NTM: variants seen among roughly 807,000 people sequenced by gnomAD.
NTM encodes the protein neurotrimin, also known as IgLON family member 2.
Under a neutral mutation model 42.1 loss-of-function variants are expected in NTM, and 13 were observed. The observed-to-expected ratio is 0.31, with a 90% CI of 0.20 to 0.49. The LOEUF (loss-of-function observed/expected upper bound fraction) is 0.49. Among genes scored for constraint, NTM ranks in the 20% least tolerant of loss-of-function variants. NTM has a pLI of 0.99. For synonymous variants in NTM, 187 were observed against 179.2 expected, an observed-to-expected ratio of 1.04 and a Z score of -0.35; for missense variants, 373 against 452.8, an observed-to-expected ratio of 0.82 and a Z score of 1.60.
intron 4 of NTM, among the ~76,000 whole-genome samples, chr11:132,305,788 G>A (rs2095056345): frequency 2.0e-5 from 3 of 152,176 alleles, no homozygotes. Context: ...TATTCATAAA[G>A]GCTACTGAGA....
At chr11:132,222,432 A>G (rs1179554139) in intron 4 of NTM, among the ~76,000 whole-genome samples, 1 of 151,980 alleles carries the variant, frequency 6.6e-6, no homozygotes, top group Admixed American at 6.6e-5. Flanking sequence ...AAATTGCCAG[A>G]CTCCAGGGTA....
At chr11:131,843,947 A>G (rs1280430999) in intron 1 of NTM, among the ~76,000 whole-genome samples, 11 of 151,946 alleles carry the variant, frequency 7.2e-5, no homozygotes, top group Non-Finnish European at 1.3e-4. Flanking sequence ...TTGCAGTTGC[A>G]AATTTTTTCT....
At chr11:131,903,835 G>A (rs2053494874) in intron 1 of NTM, among the ~76,000 whole-genome samples, 1 of 152,188 alleles carries the variant, frequency 6.6e-6, no homozygotes, top group African/African-American at 2.4e-5. Context: ...CCTTTACTGA[G>A]CTGTCACCGT....
At chr11:131,713,241 A>T (rs1236795832) in intron 1 of NTM, among the ~76,000 whole-genome samples, 1 of 152,222 alleles carries the variant, frequency 6.6e-6, no homozygotes, top group Non-Finnish European at 1.5e-5. Flanking sequence ...TATAAACGAC[A>T]CAATGCCGTA....
chr11:132,183,615 G>A (rs1188771547), intron 3 of NTM, among the ~76,000 whole-genome samples: 2 of 151,878 alleles, frequency 1.3e-5, no homozygotes, highest in Non-Finnish European at 2.9e-5. Flanking sequence ...GACAACACAA[G>A]TGTCATCTGA....
At chr11:131,551,089 T>G (rs948169360) in intron 1 of NTM, among the ~76,000 whole-genome samples, 1 of 152,362 alleles carries the variant, frequency 6.6e-6, no homozygotes, top group Middle Eastern at 3.4e-3. Context: ...CAGGCTGGAC[T>G]TGAGCTCCTA....
chr11:131,541,446 A>C (rs555193301), intron 1 of NTM, among the ~76,000 whole-genome samples: 3 of 152,338 alleles, frequency 2.0e-5, no homozygotes, highest in African/African-American at 7.2e-5. Context: ...ACAATACATA[A>C]AGAGAGTAGA....
intron 3 of NTM, among the ~76,000 whole-genome samples, chr11:132,185,899 A>G (rs541985693): frequency 6.6e-6 from 1 of 152,256 alleles, no homozygotes; most frequent in African/African-American, 2.4e-5. Context: ...CAGGCAAATA[A>G]TGGGTCAAGG....
chr11:131,997,396 A>G (rs1261237732), intron 2 of NTM, among the ~76,000 whole-genome samples: 2 of 152,156 alleles, frequency 1.3e-5, no homozygotes, highest in Non-Finnish European at 2.9e-5. Context: ...GGCCAGGCTA[A>G]TAAGTTTAGA....
At chr11:131,377,405 G>C (rs545795796) in intron 1 of NTM, among the ~76,000 whole-genome samples, 1 of 152,158 alleles carries the variant, frequency 6.6e-6, no homozygotes, top group African/African-American at 2.4e-5. Flanking sequence ...GCACAGAACT[G>C]GAGGGCCAAG....
In NTM at chr11:131,982,145, A is replaced by G. The variant is rs187234184; in HGVS notation, c.167+70497A>G. 2.8e-4 allele frequency among the ~76,000 whole-genome samples: 42 copies of G among 152,272 alleles called. 1 individual carries two copies. In the East Asian group the frequency reaches 7.9e-3, roughly 29 times the overall value. On this transcript the variant is annotated intron_variant, in intron 2 of 8. Coordinates refer to ENST00000683400, the MANE Select transcript of NTM (RefSeq NM_001352005.2). ...TATCTCCTAGGTTGCCCATCTGCCC[A>G]AGGGGAAAAGTCTATGAGAAACATA...
intron 1 of NTM, among the ~76,000 whole-genome samples, chr11:131,525,081 T>G (rs983191548): frequency 5.9e-5 from 9 of 151,562 alleles, no homozygotes; most frequent in African/African-American, 2.2e-4. Flanking sequence ...AGAGTAATTC[T>G]CAGGGGGCGG....
At chr11:132,168,581 C>T (rs564783026) in intron 3 of NTM, among the ~76,000 whole-genome samples, 2 of 152,210 alleles carry the variant, frequency 1.3e-5, no homozygotes, top group Admixed American at 6.5e-5. Flanking sequence ...GAAAACAGTG[C>T]AGCAGCCTCA....
chr11:131,747,295 A>G (rs1488570013), intron 1 of NTM, among the ~76,000 whole-genome samples: 1 of 152,120 alleles, frequency 6.6e-6, no homozygotes, highest in Non-Finnish European at 1.5e-5. Flanking sequence ...CAAGCTTAGC[A>G]TCTCTTCTGA....
At chr11:131,468,246 C>T (rs1339321238) in intron 1 of NTM, among the ~76,000 whole-genome samples, 2 of 152,210 alleles carry the variant, frequency 1.3e-5, no homozygotes, top group Non-Finnish European at 2.9e-5. Flanking sequence ...GGCAACACCC[C>T]ATATGACAAA....
intron 1 of NTM, among the ~76,000 whole-genome samples, chr11:131,373,562 G>A (rs1312126592): frequency 6.6e-6 from 1 of 151,808 alleles, no homozygotes; most frequent in African/African-American, 2.4e-5. Context: ...CTGGCCCTAA[G>A]ATACACCAGG....
chr11:132,332,391 G>A (rs2095816522), intron 8 of NTM: 1 of 152,306 alleles, frequency 6.6e-6, no homozygotes, highest in African/African-American at 2.4e-5. Flanking sequence ...GCCTGAGATG[G>A]AGATGATGAT....
At chr11:131,798,511 C>A (rs1350272555) in intron 1 of NTM, among the ~76,000 whole-genome samples, 1 of 152,176 alleles carries the variant, frequency 6.6e-6, no homozygotes, top group East Asian at 1.9e-4. Context: ...ACCTATCTAT[C>A]TAACAAATAT....
At chr11:131,656,367 C>T (rs987095541) in intron 1 of NTM, among the ~76,000 whole-genome samples, 1 of 152,214 alleles carries the variant, frequency 6.6e-6, no homozygotes, top group Non-Finnish European at 1.5e-5. Flanking sequence ...CTTCATTTCC[C>T]CACCTAAAAA....
Sources: allele counts gnomAD v4.1 joint callset (sites outside exome capture counted in the v4.1 genomes callset), GRCh38; gene constraint gnomAD v4.1.1; transcripts MANE v1.5; gene names NCBI Gene and HGNC (gene_info 2026-07-23, HGNC 2026-07-21).